Variants in DRC11 observed in about 807,000 individuals in gnomAD.
DRC11 encodes IQ and AAA domain-containing protein 1.
chr2:236,423,246 C>T, the DRC11 span, among the ~76,000 whole-genome samples: 1 of 151,566 alleles, frequency 6.6e-6, no homozygotes, highest in African/African-American at 2.4e-5. Context: ...AAAGAAACTA[C>T]CATCAGAGTG....
At chr2:236,465,507 G>A in the DRC11 span, 4 of 1,612,404 alleles carry the variant, frequency 2.5e-6, no homozygotes, top group Non-Finnish European at 3.4e-6. This position sits in a 1 kb window ranked among gnomAD's most constrained non-coding sequence, Gnocchi z 6.2. Context: ...ATGTTCACCT[G>A]CATTCGATGA....
the DRC11 span, among the ~76,000 whole-genome samples, chr2:236,345,755 A>C: frequency 2.0e-5 from 3 of 152,244 alleles, no homozygotes; most frequent in African/African-American, 7.2e-5. Context: ...TTTTTGCAAC[A>C]ATTTGTGCTT....
At chr2:236,488,181 A>G in the DRC11 span, 4 of 1,592,710 alleles carry the variant, frequency 2.5e-6, no homozygotes, top group Non-Finnish European at 3.4e-6. Flanking sequence ...GATACTCTTT[A>G]CAGGGTATTT....
the DRC11 span, among the ~76,000 whole-genome samples, chr2:236,336,524 C>CCAT: frequency 6.7e-6 from 1 of 149,352 alleles, no homozygotes; most frequent in Admixed American, 6.6e-5. This position sits in a 1 kb window ranked among gnomAD's most constrained non-coding sequence, Gnocchi z 7.3. Flanking sequence ...CTGCCACTGA[C>CCAT]CATCATCATC....
chr2:236,440,710 C>T, the DRC11 span, among the ~76,000 whole-genome samples: 1 of 152,076 alleles, frequency 6.6e-6, no homozygotes, highest in African/African-American at 2.4e-5. Context: ...GAGCCAAGGG[C>T]CTGCTGAGGA....
chr2:236,358,116 CTA>C, the DRC11 span, among the ~76,000 whole-genome samples: 1 of 114,972 alleles, frequency 8.7e-6, no homozygotes, highest in South Asian at 2.6e-4. Flanking sequence ...ATATTATACA[CTA>C]TATGAATATA....
the DRC11 span, among the ~76,000 whole-genome samples, chr2:236,489,751 C>T: frequency 1.3e-5 from 2 of 152,010 alleles, no homozygotes; most frequent in African/African-American, 2.4e-5. Flanking sequence ...GGTGAGACCC[C>T]GTCTCTAAAA....
chr2:236,446,116 C>T, the DRC11 span, among the ~76,000 whole-genome samples: 17 of 152,140 alleles, frequency 1.1e-4, no homozygotes, highest in Non-Finnish European at 2.4e-4. This position sits in a 1 kb window ranked among gnomAD's most constrained non-coding sequence, Gnocchi z 6.2. Context: ...CTCCCTCCCT[C>T]GATTTTCAGC....
the DRC11 span, among the ~76,000 whole-genome samples, chr2:236,370,943 T>A: frequency 1.3e-5 from 2 of 152,174 alleles, no homozygotes. This position sits in a 1 kb window ranked among gnomAD's most constrained non-coding sequence, Gnocchi z 5.5. Flanking sequence ...GTGATTCTAA[T>A]GACTGTTGAG....
chr2:236,308,012 T>C, the DRC11 span, among the ~76,000 whole-genome samples: 1 of 151,122 alleles, frequency 6.6e-6, no homozygotes, highest in Non-Finnish European at 1.5e-5. The surrounding 1 kb of genome is among the most constrained non-coding windows in gnomAD (Gnocchi z 6.0). Context: ...GACGCAGGCG[T>C]CCTCGTGTGC....
At chr2:236,351,646 G>A in the DRC11 span, among the ~76,000 whole-genome samples, 1 of 151,752 alleles carries the variant, frequency 6.6e-6, no homozygotes, top group East Asian at 1.9e-4. This position sits in a 1 kb window ranked among gnomAD's most constrained non-coding sequence, Gnocchi z 7.3. Flanking sequence ...GGATGTGGTG[G>A]GAGCTGTGCT....
At chr2:236,493,246 T>C in the DRC11 span, among the ~76,000 whole-genome samples, 1 of 152,132 alleles carries the variant, frequency 6.6e-6, no homozygotes, top group South Asian at 2.1e-4. Context: ...ACCTCCATGA[T>C]TCAATTACCT....
At chr2:236,403,555 C>T in the DRC11 span, among the ~76,000 whole-genome samples, 1 of 152,152 alleles carries the variant, frequency 6.6e-6, no homozygotes, top group Non-Finnish European at 1.5e-5. Context: ...TATGTGATAT[C>T]CATCTGTTAT....
At chr2:236,357,440 ATATT>A in the DRC11 span, among the ~76,000 whole-genome samples, 1 of 126,684 alleles carries the variant, frequency 7.9e-6, no homozygotes, top group East Asian at 2.3e-4. Context: ...TAGTATATGT[ATATT>A]TATAAATTAT....
the DRC11 span, among the ~76,000 whole-genome samples, chr2:236,443,064 G>A: frequency 1.3e-5 from 2 of 152,182 alleles, no homozygotes; most frequent in African/African-American, 4.8e-5. The surrounding 1 kb of genome is among the most constrained non-coding windows in gnomAD (Gnocchi z 4.4). Context: ...TATAAGCACT[G>A]CTGATTTTGT....
At chr2:236,504,507 C>A in the DRC11 span, among the ~76,000 whole-genome samples, 1 of 152,158 alleles carries the variant, frequency 6.6e-6, no homozygotes. This position sits in a 1 kb window ranked among gnomAD's most constrained non-coding sequence, Gnocchi z 5.0. Context: ...AAAATAGAAA[C>A]CAGTGTCCTG....
At chr2:236,397,370 T>G in the DRC11 span, among the ~76,000 whole-genome samples, 1 of 152,182 alleles carries the variant, frequency 6.6e-6, no homozygotes, top group South Asian at 2.1e-4. The surrounding 1 kb of genome is among the most constrained non-coding windows in gnomAD (Gnocchi z 5.0). Context: ...GCACCTACTG[T>G]CTGAGTGTAA....
the DRC11 span, among the ~76,000 whole-genome samples, chr2:236,351,712 C>G: frequency 1.3e-5 from 2 of 151,988 alleles, no homozygotes; most frequent in African/African-American, 2.4e-5. The surrounding 1 kb of genome is among the most constrained non-coding windows in gnomAD (Gnocchi z 7.3). Context: ...AAGGCCCAGG[C>G]AGGGAGGTGC....
chr2:236,482,281 TTAAC>T, the DRC11 span, among the ~76,000 whole-genome samples: 1 of 152,094 alleles, frequency 6.6e-6, no homozygotes, highest in Non-Finnish European at 1.5e-5. This position sits in a 1 kb window ranked among gnomAD's most constrained non-coding sequence, Gnocchi z 4.5. Context: ...TTGTAATTAT[TTAAC>T]TAGATACATA....
Sources: allele counts gnomAD v4.1 joint callset (sites outside exome capture counted in the v4.1 genomes callset), GRCh38; gene constraint gnomAD v4.1.1; non-coding constraint Gnocchi (gnomAD v3.1); transcripts MANE v1.5; gene names NCBI Gene and HGNC (gene_info 2026-07-23, HGNC 2026-07-21).